The following CA12 variants were observed in gnomAD, a reference collection of about 807,000 sequenced individuals.
CA12 encodes carbonic anhydrase 12.
CA12 carries 36 observed loss-of-function variants against 46.8 expected under a neutral mutation model. The observed-to-expected ratio is 0.77, with a 90% CI of 0.59 to 1.02. The LOEUF is 1.02. CA12 is among the 50% of genes least tolerant of loss of function. The pLI is 0.00. For synonymous variants in CA12, 202 were observed against 187.0 expected, an observed-to-expected ratio of 1.08 and a Z score of -0.65; for missense variants, 436 against 451.4, an observed-to-expected ratio of 0.97 and a Z score of 0.31.
At chr15:63,332,227 C>T (rs1443988397) in intron 8 of CA12, among the ~76,000 whole-genome samples, 2 of 152,228 alleles carry the variant, frequency 1.3e-5, no homozygotes, top group Non-Finnish European at 2.9e-5. Flanking sequence ...TTTGCCAAGA[C>T]AAGGAAGATG....
intron 8 of CA12, among the ~76,000 whole-genome samples, chr15:63,337,876 A>G (rs187741484): frequency 6.6e-6 from 1 of 152,264 alleles, no homozygotes; most frequent in East Asian, 1.9e-4. Flanking sequence ...TTATCTTTAA[A>G]TATGAACGCC....
At chr15:63,364,660 G>A (rs530216029) in intron 2 of CA12, among the ~76,000 whole-genome samples, 2 of 152,298 alleles carry the variant, frequency 1.3e-5, no homozygotes, top group South Asian at 2.1e-4. Context: ...ACTGAATCAC[G>A]GCTTGCTGCC....
chr15:63,359,134 C>A (rs895048751), intron 2 of CA12, among the ~76,000 whole-genome samples: 1 of 152,288 alleles, frequency 6.6e-6, no homozygotes, highest in African/African-American at 2.4e-5. Context: ...TCAACACCAG[C>A]TCTGCCCCTG....
At chr15:63,380,415 T>A (rs1390928885) in intron 1 of CA12, among the ~76,000 whole-genome samples, 4 of 152,188 alleles carry the variant, frequency 2.6e-5, no homozygotes, top group African/African-American at 9.7e-5. Flanking sequence ...GAGGGCCAAC[T>A]AATGGCTGTT....
chr15:63,325,375 A>C lies in CA12; in HGVS notation c.*910T>G, dbSNP rs752657623. 2.6e-5 allele frequency: 4 copies of C among 152,166 alleles called. No individual in the cohort carries two copies. The highest frequency in any genetic ancestry group is 4.4e-5 in the Non-Finnish European group (3 of 68,044). 9.4% of individuals were successfully genotyped at this position (152,166 alleles called of 1,614,324 possible). A position where few individuals can be genotyped will look rare whatever the true frequency, so the allele number is the denominator to read the frequency against. On this transcript the variant is annotated 3_prime_UTR_variant, in exon 11 of 11. Coordinates refer to ENST00000178638, the MANE Select transcript of CA12 (RefSeq NM_001218.5). The surrounding 1 kb of genome is among the most constrained non-coding windows in gnomAD (Gnocchi z 4.9). Reference sequence around the variant, plus strand: ...CTCCTCCAGGACACAGCAACAACACATTTTCAAGGAACAGCCTCATTATTT... The same window carrying C: ...CTCCTCCAGGACACAGCAACAACACCTTTTCAAGGAACAGCCTCATTATTT...
At position 63,355,739 on chromosome 15, in the gene CA12, GCC is replaced by G. The variant is rs1027686128; in HGVS notation, c.107-9032_107-9031del. On this transcript the variant is annotated intron_variant, in intron 2 of 10. Coordinates refer to ENST00000178638, the MANE Select transcript of CA12 (RefSeq NM_001218.5). The surrounding 1 kb of genome is among the most constrained non-coding windows in gnomAD (Gnocchi z 4.1). ...AACCCCTATCATGAAAACTAGCCAG[GCC>G]TGAGCCCCCCATCAGTGCTCACCAC... Among the ~76,000 whole-genome samples the G allele has an allele frequency of 2.0e-5, 3 of 149,596 alleles. No homozygotes were observed. The highest frequency in any genetic ancestry group is 4.4e-5 in the Non-Finnish European group (3 of 68,028).
chr15:63,375,670 A>G lies in CA12; in HGVS notation c.94T>C (p.Trp32Arg). The change falls in exon 2 of 11, where the codon TGG becomes CGG. Residue 32 changes from tryptophan to arginine, a missense_variant. Trp to Arg is a moderately radical substitution (Grantham distance 101). Coordinates refer to ENST00000178638, the MANE Select transcript of CA12 (RefSeq NM_001218.5). The part of the protein sequence containing the change: ...SSPAPVNGSK[W>R]TYFGPDGENS... ...AATCTCTACTTACCAAAATAAGTCC[A>G]CTTGGAACCTACAAAGAACAAAACA... The G allele has an allele frequency of 6.4e-7, 1 of 1,571,896 alleles. No homozygotes were observed. The highest frequency in any genetic ancestry group is 1.1e-5 in the South Asian group (1 of 89,328).
At position 63,345,364 on chromosome 15, in the gene CA12, G is replaced by C. The variant is rs1595781309; in HGVS notation, c.429+113C>G. On this transcript the variant is annotated intron_variant, in intron 4 of 10. Coordinates refer to ENST00000178638, the MANE Select transcript of CA12 (RefSeq NM_001218.5). This position sits in a 1 kb window ranked among gnomAD's most constrained non-coding sequence, Gnocchi z 4.3. ...GCCAGGGCCAGAGGTGGGGCAGAGA[G>C]CCTGAAGGCAGCCTGTCCCATGCTC... is the stretch of plus-strand genomic sequence containing the variant. The C allele has an allele frequency of 7.2e-7, 1 of 1,391,330 alleles. No individual in the cohort carries two copies. Among genetic ancestry groups the C allele is most frequent in the African/African-American group, 1.4e-5 (1 of 70,330 alleles). The allele number at this position is 1,391,330 out of a possible 1,614,324, so 86.2% of individuals were successfully genotyped here.
At chr15:63,351,149 C>G (rs1338187392) in intron 2 of CA12, among the ~76,000 whole-genome samples, 1 of 152,204 alleles carries the variant, frequency 6.6e-6, no homozygotes, top group Admixed American at 6.5e-5. Flanking sequence ...TAGATTACAG[C>G]TTGATGGTGG....
At position 63,351,762 on chromosome 15, in the gene CA12, C is replaced by T. The variant is rs140851883; in HGVS notation, c.107-5053G>A. 4.7e-3 allele frequency among the ~76,000 whole-genome samples: 723 copies of T among 152,324 alleles called. 6 individuals carry two copies. Among genetic ancestry groups the T allele is most frequent in the African/African-American group, 0.017 (697 of 41,576 alleles). ...ACTTGAACTTCTCGGCCAGCCTACTCGGGTTGTGCACACTAGCAAGCAGTG... is the reference window on the plus strand; with the variant it reads ...ACTTGAACTTCTCGGCCAGCCTACTTGGGTTGTGCACACTAGCAAGCAGTG... On this transcript the variant is annotated intron_variant, in intron 2 of 10. Transcript: ENST00000178638.
rs753372235 is a variant in CA12, at chr15:63,340,432, G to A, written c.603C>T (p.Phe201=). The A allele has an allele frequency of 1.2e-5, 19 of 1,614,040 alleles. No individual in the cohort carries two copies. The highest frequency in any genetic ancestry group is 1.7e-5 in the Admixed American group (1 of 59,998). The change falls in exon 7 of 11, where the codon TTC becomes TTT. Residue 201 remains phenylalanine, a synonymous_variant. Coordinates refer to ENST00000178638, the MANE Select transcript of CA12 (RefSeq NM_001218.5). This position sits in a 1 kb window ranked among gnomAD's most constrained non-coding sequence, Gnocchi z 4.4. ...GCTCTTCAATGTTGAATCCCGGGAC[G>A]AATGCTTCCTGGCCTAGAGAGACAT... ...QHVKYKGQEA[F]VPGFNIEELL...
In CA12 at chr15:63,345,600, C is replaced by T. The variant is rs137967232; in HGVS notation, c.306G>A (p.Ser102=). 42 of 1,612,940 alleles carry T rather than the reference C, an allele frequency of 2.6e-5. No homozygotes were observed. Among genetic ancestry groups the T allele is most frequent in the South Asian group, 1.6e-4 (15 of 91,026 alleles). The part of the protein sequence containing the change: ...NGHSVKLNLP[S]DMHIQGLQSR... ...ACTGGAGGCCCTGGATGTGCATGTC[C>T]GAGGGCAGGTTCAGCTTCACTGCGG... The change falls in exon 4 of 11, where the codon TCG becomes TCA. Residue 102 remains serine, a synonymous_variant. Coordinates refer to ENST00000178638, the MANE Select transcript of CA12 (RefSeq NM_001218.5). This position sits in a 1 kb window ranked among gnomAD's most constrained non-coding sequence, Gnocchi z 4.3.
intron 1 of CA12, among the ~76,000 whole-genome samples, chr15:63,380,230 C>G (rs1404153590): frequency 6.6e-6 from 1 of 151,740 alleles, no homozygotes; most frequent in Non-Finnish European, 1.5e-5. Flanking sequence ...CCAGTCCCAA[C>G]TTGGAGAATT....
chr15:63,376,563 T>TTTCTTTC (rs2039575905), intron 1 of CA12, among the ~76,000 whole-genome samples: 1 of 106,460 alleles, frequency 9.4e-6, no homozygotes, highest in Non-Finnish European at 2.0e-5. Flanking sequence ...CTTTCCTTTC[T>TTTCTTTC]TTCTTTCTTT....
intron 2 of CA12, among the ~76,000 whole-genome samples, chr15:63,368,040 C>A (rs1240567094): frequency 6.6e-6 from 1 of 152,120 alleles, no homozygotes; most frequent in Non-Finnish European, 1.5e-5. Flanking sequence ...ATTTTTATAC[C>A]GTTTTGCCTC....
At position 63,381,661 on chromosome 15, in the gene CA12, C is replaced by T; in HGVS notation, c.60G>A (p.Gln20=). The T allele has an allele frequency of 6.2e-7, 1 of 1,611,898 alleles. No individual in the cohort carries two copies. Among genetic ancestry groups the T allele is most frequent in the African/African-American group, 1.3e-5 (1 of 74,998 alleles). ...CGTTCACTGGGGCCGGGCTGGAAGG[C>T]TGTTCCTTTAAGATCACCAGCAGGA... The part of the protein sequence containing the change: ...AVLLLVILKE[Q]PSSPAPVNGS... The change falls in exon 1 of 11, where the codon CAG becomes CAA. Residue 20 remains glutamine, a synonymous_variant. Transcript: ENST00000178638.
At position 63,348,152 on chromosome 15, in the gene CA12, C is replaced by T. The variant is rs1441113153; in HGVS notation, c.107-1443G>A. On this transcript the variant is annotated intron_variant, in intron 2 of 10. Coordinates refer to ENST00000178638, the MANE Select transcript of CA12 (RefSeq NM_001218.5). The surrounding 1 kb of genome is among the most constrained non-coding windows in gnomAD (Gnocchi z 4.6). ...ACACATCGGAACCCTACTGATTTTT[C>T]AGGCTGTCAACCTTAGGCTATGCAT... 6.6e-6 allele frequency among the ~76,000 whole-genome samples: 1 copy of T among 152,212 alleles called. No individual in the cohort carries two copies. The highest frequency in any genetic ancestry group is 6.5e-5 in the Admixed American group (1 of 15,282).
chr15:63,338,998 C>G (rs1037962584), intron 7 of CA12, 53 bp from the exon 8 acceptor site: 2 of 1,610,846 alleles, frequency 1.2e-6, no homozygotes, highest in Non-Finnish European at 1.7e-6. Context: ...CTCACCTGAT[C>G]CCCTGGGAAG....
chr15:63,354,367 C>T (rs1177669181), intron 2 of CA12, among the ~76,000 whole-genome samples: 1 of 152,180 alleles, frequency 6.6e-6, no homozygotes, highest in Non-Finnish European at 1.5e-5. Flanking sequence ...AAAATAAACA[C>T]ATTTTCTAAA....
Sources: allele counts gnomAD v4.1 joint callset (sites outside exome capture counted in the v4.1 genomes callset), GRCh38; gene constraint gnomAD v4.1.1; non-coding constraint Gnocchi (gnomAD v3.1); transcripts MANE v1.5; gene names NCBI Gene and HGNC (gene_info 2026-07-23, HGNC 2026-07-21).